Variants in DLGAP2 observed in about 807,000 individuals in gnomAD.
DLGAP2 encodes DLG associated protein 2.
In DLGAP2, 26 loss-of-function variants were observed where a neutral mutation model predicts 100.3. The observed-to-expected ratio is 0.26, with a 90% confidence interval of 0.19 to 0.36. The LOEUF is 0.36. Among genes scored for constraint, DLGAP2 ranks in the 10% least tolerant of loss-of-function variants. The pLI is 1.00. For missense variants in DLGAP2, 1,858 were observed against 1,453.2 expected (o/e 1.28, Z -4.53); for synonymous variants, 886 against 630.1 (o/e 1.41, Z -6.08).
chr8:1,160,612 T>G (rs1381500705), intron 2 of DLGAP2, among the ~76,000 whole-genome samples: 1 of 152,210 alleles, frequency 6.6e-6, no homozygotes, highest in Admixed American at 6.5e-5. Context: ...TGTACAGGCC[T>G]TGGAGGAGAT....
At chr8:1,511,031 C>T (rs1431605976) in intron 4 of DLGAP2, among the ~76,000 whole-genome samples, 2 of 152,246 alleles carry the variant, frequency 1.3e-5, no homozygotes, top group Non-Finnish European at 2.9e-5. Flanking sequence ...TATTTGTTCT[C>T]CCCAGGGCAT....
intron 1 of DLGAP2, chr8:822,133 TTCCCTC>T: frequency 2.5e-6 from 1 of 399,632 alleles, no homozygotes. Flanking sequence ...CCTGCGCGGC[TTCCCTC>T]GCGGCTGCTA....
intron 1 of DLGAP2, among the ~76,000 whole-genome samples, chr8:785,625 C>T (rs1301792720): frequency 1.3e-5 from 1 of 78,744 alleles, no homozygotes; most frequent in Non-Finnish European, 2.7e-5. Context: ...CCTCTGAGAC[C>T]GGCCTCCCTC....
chr8:1,633,163 G>A (rs1585016500), intron 8 of DLGAP2, 117 bp downstream of exon 8: 4 of 936,624 alleles, frequency 4.3e-6, no homozygotes, highest in Non-Finnish European at 6.4e-6. Context: ...CTGACATCTA[G>A]TAACGTTTCC....
intron 1 of DLGAP2, among the ~76,000 whole-genome samples, chr8:763,272 T>C (rs1821132431): frequency 1.3e-5 from 2 of 152,308 alleles, no homozygotes; most frequent in Non-Finnish European, 2.9e-5. Context: ...GCTGTATTTA[T>C]TGAGAAGGTT....
At chr8:1,184,887 C>T (rs1585131146) in intron 2 of DLGAP2, among the ~76,000 whole-genome samples, 1 of 152,178 alleles carries the variant, frequency 6.6e-6, no homozygotes, top group African/African-American at 2.4e-5. Context: ...GGAGGGAGCT[C>T]ACTGTGTTGC....
chr8:1,244,679 G>C (rs1463405978), intron 2 of DLGAP2, among the ~76,000 whole-genome samples: 6 of 152,146 alleles, frequency 3.9e-5, no homozygotes, highest in African/African-American at 1.4e-4. Context: ...TTATAAAACC[G>C]CAAGGACGTG....
intron 3 of DLGAP2, among the ~76,000 whole-genome samples, chr8:1,409,130 CGCCCGGCTCCCCTTGG>C (rs1222863634): frequency 1.1e-4 from 10 of 89,168 alleles, no homozygotes; most frequent in Admixed American, 7.3e-4. Flanking sequence ...CCATAGCAGG[CGCCCGGCTCCCCTTGG>C]ACCACTGCCC....
chr8:1,090,587 G>A (rs1804146733), intron 2 of DLGAP2, among the ~76,000 whole-genome samples: 1 of 152,228 alleles, frequency 6.6e-6, no homozygotes, highest in Admixed American at 6.5e-5. Flanking sequence ...TGGGGAGAGT[G>A]GCAGCCCCCT....
intron 8 of DLGAP2, 21 bp from the exon 9 acceptor site, chr8:1,668,308 T>G: frequency 2.7e-6 from 4 of 1,462,812 alleles, no homozygotes; most frequent in African/African-American, 1.4e-5. Context: ...CCTGTTGACT[T>G]GGGACTTTCT....
chr8:988,020 A>G (rs1050597053), intron 2 of DLGAP2, among the ~76,000 whole-genome samples: 1 of 152,094 alleles, frequency 6.6e-6, no homozygotes, highest in African/African-American at 2.4e-5. Context: ...GCACCATTGA[A>G]TTTTCCTCCA....
chr8:757,567 C>A (rs531098994), intron 1 of DLGAP2, among the ~76,000 whole-genome samples: 1 of 152,264 alleles, frequency 6.6e-6, no homozygotes, highest in Non-Finnish European at 1.5e-5. Flanking sequence ...CCGGCCATAC[C>A]CTCCCCTGTG....
At chr8:1,378,569 GCACACCTGGCCTCACCTGTCCATCCTGCT>G (rs1796018332) in intron 3 of DLGAP2, among the ~76,000 whole-genome samples, 1 of 142,130 alleles carries the variant, frequency 7.0e-6, no homozygotes, top group Non-Finnish European at 1.5e-5. Context: ...TCTGTCCTGC[GCACACCTGGCCTCACCTGTCCATCCTGCT>G]CACACCTGGC....
intron 1 of DLGAP2, among the ~76,000 whole-genome samples, chr8:896,561 C>T (rs1290321610): frequency 1.3e-5 from 2 of 152,072 alleles, no homozygotes; most frequent in African/African-American, 4.8e-5. Flanking sequence ...TGGGATGGTG[C>T]TTGGAGGGTG....
chr8:1,161,686 C>T (rs1025870308), intron 2 of DLGAP2, among the ~76,000 whole-genome samples: 2 of 152,226 alleles, frequency 1.3e-5, no homozygotes, highest in African/African-American at 4.8e-5. Context: ...GGGCTCACAC[C>T]AGGGGTCCAT....
chr8:1,006,371 G>A (rs1474385327), intron 2 of DLGAP2, among the ~76,000 whole-genome samples: 1 of 151,246 alleles, frequency 6.6e-6, no homozygotes, highest in African/African-American at 2.4e-5. Context: ...TCGCGAGGTG[G>A]TCCTTTATCA....
chr8:1,156,491 C>T (rs1172408058), intron 2 of DLGAP2, among the ~76,000 whole-genome samples: 2 of 152,090 alleles, frequency 1.3e-5, no homozygotes. Context: ...CTGGGTGGCA[C>T]AACCCGTCAC....
At chr8:1,203,630 A>ACC (rs1208286850) in intron 2 of DLGAP2, among the ~76,000 whole-genome samples, 2 of 152,180 alleles carry the variant, frequency 1.3e-5, no homozygotes, top group Non-Finnish European at 2.9e-5. Context: ...ACAGATAAGA[A>ACC]GAGATGTCTT....
chr8:1,020,806 C>T (rs919274856), intron 2 of DLGAP2, among the ~76,000 whole-genome samples: 2 of 152,126 alleles, frequency 1.3e-5, no homozygotes, highest in African/African-American at 4.8e-5. Context: ...GGGTTTGGGA[C>T]CCAGGCTTTA....
Sources: allele counts gnomAD v4.1 joint callset (sites outside exome capture counted in the v4.1 genomes callset), GRCh38; gene constraint gnomAD v4.1.1; transcripts MANE v1.5; gene names NCBI Gene and HGNC (gene_info 2026-07-23, HGNC 2026-07-21).